SAXO1: variants seen among roughly 807,000 people sequenced by gnomAD.
The protein encoded by SAXO1 is 4930500O09Rik.
Under a neutral mutation model 17.5 loss-of-function variants are expected in SAXO1, and 21 were observed. That is an observed-to-expected ratio of 1.20 (90% CI 0.85 to 1.72). The LOEUF (loss-of-function observed/expected upper bound fraction) is 1.72. SAXO1 is among the 40% of genes most tolerant of loss of function. The pLI is 0.00. For synonymous variants in SAXO1, 274 were observed against 216.5 expected (o/e 1.27, Z -2.33); for missense variants, 843 against 596.0 (o/e 1.41, Z -4.32).
intron 1 of SAXO1, among the ~76,000 whole-genome samples, chr9:18,997,834 G>A (rs1296351876): frequency 6.6e-6 from 1 of 152,196 alleles, no homozygotes; most frequent in African/African-American, 2.4e-5. Context: ...AACAAGTTCT[G>A]GAGTGGACTT....
intron 1 of SAXO1, among the ~76,000 whole-genome samples, chr9:19,022,748 A>G (rs575851873): frequency 6.2e-4 from 95 of 152,346 alleles, no homozygotes; most frequent in African/African-American, 2.1e-3. Flanking sequence ...TATTTAAAAT[A>G]TAAGGATATA....
chr9:19,001,170 A>T (rs2130957795), intron 1 of SAXO1, among the ~76,000 whole-genome samples: 3 of 152,330 alleles, frequency 2.0e-5, no homozygotes, highest in Middle Eastern at 6.8e-3. Context: ...CTTATTCTAA[A>T]CTTGACCACA....
At chr9:19,023,607 C>T (rs1016312374) in intron 1 of SAXO1, among the ~76,000 whole-genome samples, 1 of 152,120 alleles carries the variant, frequency 6.6e-6, no homozygotes, top group African/African-American at 2.4e-5. Context: ...TTCTCGTAGT[C>T]AATCATCACT....
chr9:19,028,140 G>A (rs938459435), intron 1 of SAXO1: 5 of 1,578,720 alleles, frequency 3.2e-6, no homozygotes, highest in Non-Finnish European at 4.3e-6. Context: ...CCTAGGGCAC[G>A]GCAGGCCAGC....
intron 1 of SAXO1, among the ~76,000 whole-genome samples, chr9:18,982,862 T>C (rs1798488083): frequency 1.3e-5 from 2 of 152,200 alleles, no homozygotes; most frequent in Admixed American, 1.3e-4. Flanking sequence ...AAAGCTACAG[T>C]CTTAGACTTC....
chr9:18,939,838 T>C (rs1176272975), intron 3 of SAXO1, among the ~76,000 whole-genome samples: 1 of 152,228 alleles, frequency 6.6e-6, no homozygotes, highest in African/African-American at 2.4e-5. Flanking sequence ...AATGATTTTA[T>C]CAAATGATTA....
At position 18,994,079 on chromosome 9, in the gene SAXO1, A is replaced by T. The variant is rs970582448; in HGVS notation, c.38+38792T>A. 2.0e-5 allele frequency among the ~76,000 whole-genome samples: 3 copies of T among 152,250 alleles called. No homozygotes were observed. The South Asian group carries it at 6.2e-4, about 32-fold the overall frequency. On this transcript the variant is annotated intron_variant, in intron 1 of 3. Coordinates refer to ENST00000380534, the MANE Select transcript of SAXO1 (RefSeq NM_153707.4). ...AATTAGAGAATCCTTTTATCAAAAA[A>T]TATCAAGTCTGTTCAAATTTACTGC...
chr9:18,985,723 G>T (rs1833567416), intron 1 of SAXO1, among the ~76,000 whole-genome samples: 1 of 152,326 alleles, frequency 6.6e-6, no homozygotes, highest in Non-Finnish European at 1.5e-5. Context: ...TCCGGCAGCT[G>T]CATTCCAAAG....
intron 1 of SAXO1, among the ~76,000 whole-genome samples, chr9:18,977,571 T>C (rs1022435842): frequency 1.3e-5 from 2 of 152,210 alleles, no homozygotes; most frequent in South Asian, 2.1e-4. Context: ...AAAGTTCATG[T>C]TTGTTTTCCA....
intron 1 of SAXO1, among the ~76,000 whole-genome samples, chr9:19,008,434 T>C (rs1834578613): frequency 6.6e-6 from 1 of 152,178 alleles, no homozygotes. Flanking sequence ...ATTCTCAGAT[T>C]GAACTGACCT....
rs553675059 is a variant in SAXO1 at position 18,942,446 on chromosome 9, C to T, written c.219-607G>A. Among the ~76,000 whole-genome samples, 4 of 152,324 alleles carry T rather than the reference C, an allele frequency of 2.6e-5. No individual in the cohort carries two copies. In the South Asian group the frequency reaches 8.3e-4, roughly 32 times the overall value. ...ACCTTCCTTCCACCCAACCCCTTCA[C>T]TGCGGAGGTATCTTCCTTTCAGGTG... On this transcript the variant is annotated intron_variant, in intron 2 of 3. Coordinates refer to ENST00000380534, the MANE Select transcript of SAXO1 (RefSeq NM_153707.4).
At chr9:18,941,034 G>C (rs1367596465) in intron 3 of SAXO1, among the ~76,000 whole-genome samples, 1 of 152,192 alleles carries the variant, frequency 6.6e-6, no homozygotes, top group Non-Finnish European at 1.5e-5. Flanking sequence ...GATTTGTTCA[G>C]TGCAAATTTA....
At chr9:18,929,793 A>G (rs1563922912) in intron 3 of SAXO1, among the ~76,000 whole-genome samples, 1 of 152,252 alleles carries the variant, frequency 6.6e-6, no homozygotes. Context: ...AATTTGTCCC[A>G]GCTCACTTGG....
chr9:18,928,726 G>A lies in SAXO1; in HGVS notation c.751C>T (p.Pro251Ser), dbSNP rs370387559. 12 of 1,614,132 alleles carry A rather than the reference G, an allele frequency of 7.4e-6. No homozygotes were observed. In the East Asian group the frequency reaches 2.5e-4, roughly 33 times the overall value. The part of the protein sequence containing the change: ...KQSYRGLMGE[P>S]AKSLKPLARP... ...GCTAGAGGTTTCAAGCTCTTGGCAG[G>A]CTCCCCCATCAGGCCCCGGTAGGAT... The change falls in exon 4 of 4, where the codon CCT becomes TCT. Residue 251 changes from proline to serine, a missense_variant. Pro to Ser is a moderately conservative substitution (Grantham distance 74, BLOSUM62 -1). Coordinates refer to ENST00000380534, the MANE Select transcript of SAXO1 (RefSeq NM_153707.4).
rs1215688684 is a variant in SAXO1, at chr9:18,928,238, A to T, written c.1239T>A (p.Thr413=). 1 of 1,613,984 alleles carries T rather than the reference A, an allele frequency of 6.2e-7. No homozygotes were observed. The stretch of plus-strand genomic sequence containing the variant: ...CTAGGCACCTGCCCATTTCCTTGGG[A>T]GTAAAGCTGATGGTGTAGGTGGTCT... ...ESQTTYTISF[T]PKEMGRCLAS... The change falls in exon 4 of 4, where the codon ACT becomes ACA. Residue 413 remains threonine, a synonymous_variant. Coordinates refer to ENST00000380534, the MANE Select transcript of SAXO1 (RefSeq NM_153707.4).
intron 3 of SAXO1, among the ~76,000 whole-genome samples, chr9:18,930,498 A>G (rs10757000): frequency 6.6e-6 from 1 of 150,568 alleles, no homozygotes; most frequent in African/African-American, 2.4e-5. Flanking sequence ...GCACTGCTGG[A>G]ACTTTTTTTT....
chr9:19,031,486 C>T (rs1427246400), intron 1 of SAXO1, among the ~76,000 whole-genome samples: 1 of 152,220 alleles, frequency 6.6e-6, no homozygotes, highest in Non-Finnish European at 1.5e-5. Context: ...CACTTGAACC[C>T]TGAGGCATAG....
chr9:19,027,782 C>G (rs768459398), intron 1 of SAXO1: 31 of 1,509,162 alleles, frequency 2.1e-5, no homozygotes, highest in Non-Finnish European at 2.7e-5. Context: ...TCTGAACCAG[C>G]TGGATGGCTT....
At chr9:19,036,736 G>C (rs1835950514), upstream of SAXO1, among the ~76,000 whole-genome samples, 1 of 152,194 alleles carries the variant, frequency 6.6e-6, no homozygotes, top group Non-Finnish European at 1.5e-5. Context: ...TGCAGGGTTG[G>C]AACTCTCATG....
Sources: allele counts gnomAD v4.1 joint callset (sites outside exome capture counted in the v4.1 genomes callset), GRCh38; gene constraint gnomAD v4.1.1; transcripts MANE v1.5; gene names NCBI Gene and HGNC (gene_info 2026-07-23, HGNC 2026-07-21).